Variants in ACP3 observed in about 807,000 individuals in gnomAD.
ACP3 encodes the protein acid phosphatase 3.
ACP3 carries 38 observed loss-of-function variants against 45.6 expected under a neutral mutation model. That is an observed-to-expected ratio of 0.83 (90% CI 0.64 to 1.09). The LOEUF (loss-of-function observed/expected upper bound fraction) is 1.09. Ranked by LOEUF, ACP3 falls within the 50% of genes least tolerant of loss-of-function variation. The probability of loss-of-function intolerance (pLI) is 0.00; values close to 1 mark genes in which losing one functional copy is unlikely to be tolerated. For synonymous variants in ACP3, 162 were observed against 164.7 expected (o/e 0.98, Z 0.13); for missense variants, 466 against 463.2 (o/e 1.01, Z -0.05).
At chr3:132,348,315 A>G (rs549831338) in intron 7 of ACP3, among the ~76,000 whole-genome samples, 54 of 152,270 alleles carry the variant, frequency 3.5e-4, no homozygotes, top group African/African-American at 1.2e-3. Context: ...TTACAAATAA[A>G]GGTTTTGACA....
chr3:132,364,109 C>T (rs553831797), intron 10 of ACP3, among the ~76,000 whole-genome samples: 3 of 152,152 alleles, frequency 2.0e-5, no homozygotes, highest in Non-Finnish European at 2.9e-5. Context: ...CTTGAGAGTC[C>T]GAGGTGGGAT....
chr3:132,317,595 T>TA lies in ACP3; in HGVS notation c.120+19_120+20insA. 6.2e-7 allele frequency: 1 copy of TA among 1,606,698 alleles called. No individual in the cohort carries two copies. The highest frequency in any genetic ancestry group is 8.5e-7 in the Non-Finnish European group (1 of 1,176,490). On this transcript the variant is annotated intron_variant, in intron 1 of 9. Coordinates refer to ENST00000336375, the MANE Select transcript of ACP3 (RefSeq NM_001099.5). The stretch of plus-strand genomic sequence containing the variant: ...GACTTTGGTAAGTAGACTTTTCTCA[T>TA]TGCTTTTTCCTTAAAACTGTGTTCC...
downstream of ACP3, among the ~76,000 whole-genome samples, chr3:132,360,797 C>T (rs1026377977): frequency 6.6e-6 from 1 of 152,202 alleles, no homozygotes; most frequent in South Asian, 2.1e-4. Flanking sequence ...AGCACAAATA[C>T]ACATGCCCAA....
chr3:132,352,746 G>T lies in ACP3; in HGVS notation c.891G>T (p.Gln297His), dbSNP rs1051980018. The change falls in exon 9 of 10, where the codon CAG becomes CAT. Residue 297 changes from glutamine (Q) to histidine (H), a missense_variant. Transcript: ENST00000336375. ...ATGACACTACTGTGAGTGGCCTACA[G>T]ATGGCGCTAGATGTTTACAACGGAC... ...SAHDTTVSGL[Q>H]MALDVYNGLL... 4 of 1,613,578 alleles carry T rather than the reference G, an allele frequency of 2.5e-6. No individual in the cohort carries two copies. In the African/African-American group the frequency reaches 5.3e-5, roughly 22 times the overall value.
chr3:132,358,317 T>G lies in ACP3; in HGVS notation c.*1439T>G. ...AAGTGCCTCCAAGTTCAAAACTTATTGGAATGTTGAGAGTGTGGTTACGAA... is the reference window on the plus strand; with the variant it reads ...AAGTGCCTCCAAGTTCAAAACTTATGGGAATGTTGAGAGTGTGGTTACGAA... On this transcript the variant is annotated 3_prime_UTR_variant, in exon 10 of 10. Transcript: ENST00000336375. 1 of 1,112,340 alleles carries G rather than the reference T, an allele frequency of 9.0e-7. No individual in the cohort carries two copies. Among genetic ancestry groups the G allele is most frequent in the Non-Finnish European group, 1.1e-6 (1 of 895,590 alleles). 68.9% of individuals were successfully genotyped at this position (1,112,340 alleles called of 1,614,324 possible).
Position 132,358,373 on chromosome 3 carries a change from G to A in ACP3, c.*1495G>A. On this transcript the variant is annotated 3_prime_UTR_variant, in exon 10 of 10. Coordinates refer to ENST00000336375, the MANE Select transcript of ACP3 (RefSeq NM_001099.5). ...TTAGGAGGACAAAAGGAATGTGTAAGTCTTTAATGCCGATATCTTCAGAAA... is the reference window on the plus strand; with the variant it reads ...TTAGGAGGACAAAAGGAATGTGTAAATCTTTAATGCCGATATCTTCAGAAA... 8.2e-7 allele frequency: 1 copy of A among 1,218,668 alleles called. No individual in the cohort carries two copies. The allele number at this position is 1,218,668 out of a possible 1,614,324, so 75.5% of individuals were successfully genotyped here.
Position 132,358,182 on chromosome 3 carries a change from G to A in ACP3, c.*1304G>A. ...AGGCAGGAGGATCACTTTAGGCCTG[G>A]TGTGTTCAAGACCAGCCTGGTCAAC... is the stretch of plus-strand genomic sequence containing the variant. On this transcript the variant is annotated 3_prime_UTR_variant, in exon 10 of 10. Transcript: ENST00000336375. 1.1e-6 allele frequency: 1 copy of A among 922,122 alleles called. No homozygotes were observed. Among genetic ancestry groups the A allele is most frequent in the Non-Finnish European group, 1.3e-6 (1 of 757,546 alleles). 57.1% of individuals were successfully genotyped at this position (922,122 alleles called of 1,614,324 possible).
chr3:132,330,325 C>T (rs896317475), intron 2 of ACP3, among the ~76,000 whole-genome samples: 2 of 152,130 alleles, frequency 1.3e-5, no homozygotes, highest in Non-Finnish European at 2.9e-5. Flanking sequence ...TCTGCATAAT[C>T]ATAAGATGAT....
intron 5 of ACP3, among the ~76,000 whole-genome samples, chr3:132,338,283 T>G (rs1233819689): frequency 6.8e-6 from 1 of 146,634 alleles, no homozygotes; most frequent in African/African-American, 2.7e-5. Flanking sequence ...TTTGTTTTGT[T>G]TTTTTTTTTC....
intron 1 of ACP3, among the ~76,000 whole-genome samples, chr3:132,327,285 G>A (rs1937314124): frequency 6.6e-6 from 1 of 152,198 alleles, no homozygotes; most frequent in African/African-American, 2.4e-5. Context: ...GGAGGCCAAG[G>A]CAGGTGGATC....
rs189413130 is a variant in ACP3 at position 132,333,481 on chromosome 3, A to G, written c.456+1137A>G. 3.0e-3 allele frequency: 452 copies of G among 152,690 alleles called. 10 individuals carry two copies. The highest frequency in any genetic ancestry group is 9.7e-4 in the East Asian group (5 of 5,170). 9.5% of individuals were successfully genotyped at this position (152,690 alleles called of 1,614,324 possible). A position where few individuals can be genotyped will look rare whatever the true frequency, so the allele number is the denominator to read the frequency against. The stretch of plus-strand genomic sequence containing the variant: ...GACTGCTGGACCCAGACTTTTGCCC[A>G]GTGACCTCTGGGGTAGGTTACTATC... On this transcript the variant is annotated intron_variant, in intron 4 of 9. Transcript: ENST00000336375.
In ACP3 at chr3:132,357,455, T is replaced by C; in HGVS notation, c.*577T>C. On this transcript the variant is annotated 3_prime_UTR_variant, in exon 10 of 10. Transcript: ENST00000336375. ...TCTCCACTGGAAAACTGCTACTATC[T>C]GTTTTTATATTTCTGTTAAAATATA... The C allele has an allele frequency of 1.0e-6, 1 of 985,396 alleles. No individual in the cohort carries two copies. Among genetic ancestry groups the C allele is most frequent in the Non-Finnish European group, 1.2e-6 (1 of 829,874 alleles). 61.0% of individuals were successfully genotyped at this position (985,396 alleles called of 1,614,324 possible).
chr3:132,366,200 G>A (rs993711390), intron 10 of ACP3, among the ~76,000 whole-genome samples: 5 of 151,092 alleles, frequency 3.3e-5, no homozygotes, highest in African/African-American at 1.2e-4. Flanking sequence ...ACTAGGGAGG[G>A]TGAGGTGAGA....
intron 2 of ACP3, 146 bp downstream of exon 2, chr3:132,328,508 C>T: frequency 3.8e-6 from 2 of 528,228 alleles, no homozygotes; most frequent in South Asian, 2.1e-5. Flanking sequence ...GTGAAACCCT[C>T]TCTCTACTAA....
In ACP3 at chr3:132,334,255, G is replaced by A. The variant is rs181455385; in HGVS notation, c.456+1911G>A. 9.9e-5 allele frequency among the ~76,000 whole-genome samples: 15 copies of A among 152,230 alleles called. No individual in the cohort carries two copies. The East Asian group carries it at 2.5e-3, about 26-fold the overall frequency. ...ACAGGGAGAGTGAGGGAGAGAAAGA[G>A]AGAAGCAAGGAACATTATCTACCTA... is the stretch of plus-strand genomic sequence containing the variant. On this transcript the variant is annotated intron_variant, in intron 4 of 9. Coordinates refer to ENST00000336375, the MANE Select transcript of ACP3 (RefSeq NM_001099.5).
intron 1 of ACP3, among the ~76,000 whole-genome samples, chr3:132,327,793 C>CA (rs11391543): frequency 0.72 from 107,495 of 149,552 alleles, 38,813 homozygotes; most frequent in East Asian, 0.84. Flanking sequence ...GACACTGTTT[C>CA]AAAAAAAAAA....
chr3:132,321,765 T>C (rs894487043), intron 1 of ACP3, among the ~76,000 whole-genome samples: 1 of 151,964 alleles, frequency 6.6e-6, no homozygotes, highest in African/African-American at 2.4e-5. Context: ...CGAAGGAGAG[T>C]GCTGTTTCCC....
intron 1 of ACP3, among the ~76,000 whole-genome samples, chr3:132,319,439 T>G (rs1050433057): frequency 1.3e-5 from 2 of 152,216 alleles, no homozygotes; most frequent in African/African-American, 4.8e-5. Context: ...TTCTGAGTGT[T>G]CAATATGAAT....
At chr3:132,344,585 A>T (rs1937587360) in intron 6 of ACP3, among the ~76,000 whole-genome samples, 1 of 152,186 alleles carries the variant, frequency 6.6e-6, no homozygotes, top group Non-Finnish European at 1.5e-5. Context: ...AGGAAATATC[A>T]TTTAACTCTG....
Sources: allele counts gnomAD v4.1 joint callset (sites outside exome capture counted in the v4.1 genomes callset), GRCh38; gene constraint gnomAD v4.1.1; transcripts MANE v1.5; gene names NCBI Gene and HGNC (gene_info 2026-07-23, HGNC 2026-07-21).